The following ACOT8 variants were observed in gnomAD, a reference collection of about 807,000 sequenced individuals.
The protein encoded by ACOT8 is acyl-CoA thioesterase 8.
Under a neutral mutation model 38.4 loss-of-function variants are expected in ACOT8, and 31 were observed. The ratio of observed to expected loss-of-function variants is 0.81; its 90% CI spans 0.61 to 1.09. The LOEUF is 1.09. Ranked by LOEUF, ACOT8 falls within the 50% of genes least tolerant of loss-of-function variation. ACOT8 has a pLI of 0.00. For synonymous variants in ACOT8, 158 were observed against 170.3 expected (o/e 0.93, Z 0.56); for missense variants, 373 against 421.8 (o/e 0.88, Z 1.01).
chr20:45,847,035 T>C (rs1264592730), intron 3 of ACOT8, among the ~76,000 whole-genome samples: 2 of 151,836 alleles, frequency 1.3e-5, no homozygotes, highest in Non-Finnish European at 2.9e-5. Flanking sequence ...TAGCGAAACC[T>C]GGTCTCTACT....
chr20:45,855,474 C>G (rs1410024789), intron 1 of ACOT8, among the ~76,000 whole-genome samples, 182 bp from the exon 2 acceptor site: 1 of 152,182 alleles, frequency 6.6e-6, no homozygotes, highest in Non-Finnish European at 1.5e-5. Flanking sequence ...TCCTCTGGGC[C>G]GGGCGCAGTG....
chr20:45,844,215 G>C lies in ACOT8; in HGVS notation c.646+48C>G, dbSNP rs751474235. On this transcript the variant is annotated intron_variant, in intron 4 of 5. Coordinates refer to ENST00000217455, the MANE Select transcript of ACOT8 (RefSeq NM_005469.4). Reference sequence around the variant, plus strand: ...CCCAAGGCCACACAGCAAATGAGTGGTAGACCCCTTGGAGAGTGGTTTCCT... The same window carrying C: ...CCCAAGGCCACACAGCAAATGAGTGCTAGACCCCTTGGAGAGTGGTTTCCT... 4 of 1,612,466 alleles carry C rather than the reference G, an allele frequency of 2.5e-6. No individual in the cohort carries two copies. The African/African-American group carries it at 4.0e-5, about 16-fold the overall frequency.
In ACOT8 at chr20:45,841,886, C is replaced by G. The variant is rs745510468; in HGVS notation, c.912G>C (p.Gln304His). 1.2e-6 allele frequency: 2 copies of G among 1,611,602 alleles called. No homozygotes were observed. Among genetic ancestry groups the G allele is most frequent in the Non-Finnish European group, 1.7e-6 (2 of 1,179,454 alleles). Reference protein sequence around the residue: ...QDGVLAVTCAQEGVIRVKPQV... With the variant: ...QDGVLAVTCAHEGVIRVKPQV... ...GGGGCTTCACTCGGATCACGCCCTC[C>G]TGGGCACAGGTCACAGCTAGGACTC... Residue 304 changes from glutamine to histidine, a missense_variant, in exon 6 of 6, where the codon CAG becomes CAC. Transcript: ENST00000217455.
At chr20:45,851,122 G>A (rs1325220368) in intron 2 of ACOT8, among the ~76,000 whole-genome samples, 2 of 152,166 alleles carry the variant, frequency 1.3e-5, no homozygotes, top group Non-Finnish European at 2.9e-5. Context: ...CAAATGGGGA[G>A]TCAACCAGGC....
At chr20:45,844,485 C>T in intron 3 of ACOT8, 65 bp from the exon 4 acceptor site, 2 of 1,546,260 alleles carry the variant, frequency 1.3e-6, no homozygotes, top group Non-Finnish European at 1.8e-6. Flanking sequence ...TCTGCATTGC[C>T]TCTTCTGACT....
chr20:45,842,857 T>C, intron 5 of ACOT8: 11 of 996,414 alleles, frequency 1.1e-5, no homozygotes, highest in Non-Finnish European at 1.3e-5. Context: ...TAAAGAATCC[T>C]TGAGTTTTGT....
intron 5 of ACOT8, 148 bp downstream of exon 5, chr20:45,843,379 G>T: frequency 9.6e-7 from 1 of 1,045,264 alleles, no homozygotes; most frequent in Non-Finnish European, 1.4e-6. Context: ...CTCTCATTTT[G>T]AAGATGAAGA....
intron 2 of ACOT8, among the ~76,000 whole-genome samples, chr20:45,851,361 G>T (rs920926784): frequency 2.0e-5 from 3 of 151,958 alleles, no homozygotes; most frequent in African/African-American, 7.3e-5. Flanking sequence ...CACCAAACTT[G>T]GGGGGAAAAA....
At chr20:45,852,757 T>A (rs1455633359) in intron 2 of ACOT8, among the ~76,000 whole-genome samples, 2 of 152,100 alleles carry the variant, frequency 1.3e-5, no homozygotes, top group East Asian at 1.9e-4. Flanking sequence ...CACAAATAAT[T>A]ATTTTTATTT....
At chr20:45,847,441 G>T (rs1272370389) in intron 3 of ACOT8, among the ~76,000 whole-genome samples, 1 of 150,572 alleles carries the variant, frequency 6.6e-6, no homozygotes, top group Non-Finnish European at 1.5e-5. Context: ...TATATATATG[G>T]TTTTTTTTCC....
At chr20:45,844,129 G>T in intron 4 of ACOT8, 134 bp downstream of exon 4, 2 of 1,283,208 alleles carry the variant, frequency 1.6e-6, no homozygotes, top group Non-Finnish European at 2.2e-6. Flanking sequence ...CAGGTGAGAA[G>T]CTAAGCCAAC....
intron 2 of ACOT8, among the ~76,000 whole-genome samples, chr20:45,854,458 C>T (rs1483329192): frequency 6.6e-6 from 1 of 152,188 alleles, no homozygotes; most frequent in African/African-American, 2.4e-5. Context: ...GATCCGCCCG[C>T]CTTGGCCTCC....
At chr20:45,856,583 G>C (rs1264609463) in intron 1 of ACOT8, among the ~76,000 whole-genome samples, 1 of 152,150 alleles carries the variant, frequency 6.6e-6, no homozygotes, top group Non-Finnish European at 1.5e-5. Context: ...AGGAGGCTGA[G>C]GCAGGAGAAA....
chr20:45,855,867 A>G (rs1985386379), intron 1 of ACOT8, among the ~76,000 whole-genome samples: 1 of 152,236 alleles, frequency 6.6e-6, no homozygotes, highest in African/African-American at 2.4e-5. Flanking sequence ...CAGAGATGAA[A>G]ATGCTTGCCC....
At chr20:45,844,022 C>G in intron 4 of ACOT8, 1 of 784,356 alleles carries the variant, frequency 1.3e-6, no homozygotes. Flanking sequence ...AGCTGGACAA[C>G]AACCCCAGCG....
chr20:45,855,138 G>A (rs1476272223), intron 2 of ACOT8, 21 bp downstream of exon 2: 3 of 1,612,522 alleles, frequency 1.9e-6, no homozygotes, highest in Admixed American at 3.3e-5. Flanking sequence ...GTTGGGTTGG[G>A]GCAGGAAGTG....
At position 45,841,788 on chromosome 20, in the gene ACOT8, G is replaced by A. The variant is rs1984151786; in HGVS notation, c.*50C>T. The A allele has an allele frequency of 1.3e-6, 2 of 1,530,960 alleles. No homozygotes were observed. The highest frequency in any genetic ancestry group is 2.5e-5 in the South Asian group (2 of 80,030). 94.8% of individuals were successfully genotyped at this position (1,530,960 alleles called of 1,614,324 possible). A position where few individuals can be genotyped will look rare whatever the true frequency, so the allele number is the denominator to read the frequency against. ...GGACTGTAACTCCTGTCTCAGGAAT[G>A]GGGATAGATGGGAGGTTCTTGAAGC... On this transcript the variant is annotated 3_prime_UTR_variant, in exon 6 of 6. Coordinates refer to ENST00000217455, the MANE Select transcript of ACOT8 (RefSeq NM_005469.4).
intron 2 of ACOT8, among the ~76,000 whole-genome samples, chr20:45,854,558 C>T (rs539268983): frequency 2.0e-5 from 3 of 152,276 alleles, no homozygotes; most frequent in South Asian, 4.1e-4. Flanking sequence ...CTGTAAGAAG[C>T]TGTAGAGATC....
chr20:45,847,426 T>G (rs1472022210), intron 3 of ACOT8, among the ~76,000 whole-genome samples: 1 of 151,064 alleles, frequency 6.6e-6, no homozygotes, highest in Non-Finnish European at 1.5e-5. Context: ...CATATATATA[T>G]AAAATATATA....
Sources: allele counts gnomAD v4.1 joint callset (sites outside exome capture counted in the v4.1 genomes callset), GRCh38; gene constraint gnomAD v4.1.1; transcripts MANE v1.5; gene names NCBI Gene and HGNC (gene_info 2026-07-23, HGNC 2026-07-21).